CDC42BPB: variants seen among roughly 807,000 people sequenced by gnomAD.
CDC42BPB encodes the protein CDC42 binding protein kinase beta, also known as serine/threonine-protein kinase MRCK beta.
Under a neutral mutation model 214.9 loss-of-function variants are expected in CDC42BPB, and 37 were observed. The observed-to-expected ratio is 0.17, with a 90% CI of 0.13 to 0.23. The LOEUF (loss-of-function observed/expected upper bound fraction) is 0.23. CDC42BPB is among the 10% of genes least tolerant of loss of function. CDC42BPB has a pLI of 1.00. For synonymous variants in CDC42BPB, 931 were observed against 884.0 expected, an observed-to-expected ratio of 1.05 and a Z score of -0.94; for missense variants, 1,694 against 2,227.0, an observed-to-expected ratio of 0.76 and a Z score of 4.82.
intron 22 of CDC42BPB, 48 bp downstream of exon 22, chr14:102,954,554 C>T (rs771925960): frequency 8.4e-6 from 13 of 1,544,384 alleles, no homozygotes; most frequent in Non-Finnish European, 1.2e-5. Flanking sequence ...CACCTGGACA[C>T]GAGGGCAGAC....
intron 16 of CDC42BPB, 21 bp downstream of exon 16, chr14:102,968,232 C>G: frequency 1.3e-6 from 2 of 1,548,632 alleles, no homozygotes; most frequent in African/African-American, 1.4e-5. Context: ...AGTGCTAACT[C>G]AGGTACTTTG....
intron 1 of CDC42BPB, among the ~76,000 whole-genome samples, chr14:103,037,954 G>A (rs990503166): frequency 4.6e-5 from 7 of 151,362 alleles, no homozygotes; most frequent in Admixed American, 1.3e-4. Context: ...GTGTGAACCC[G>A]GGAGACGGAG....
intron 14 of CDC42BPB, 126 bp from the exon 15 acceptor site, chr14:102,968,842 A>C: frequency 6.6e-7 from 1 of 1,505,416 alleles, no homozygotes. Flanking sequence ...CCTGGTCTAC[A>C]CCAGATGACG....
At chr14:103,021,619 G>A (rs1886777724) in intron 1 of CDC42BPB, among the ~76,000 whole-genome samples, 1 of 151,624 alleles carries the variant, frequency 6.6e-6, no homozygotes, top group Non-Finnish European at 1.5e-5. Context: ...GGCAGAGGTT[G>A]CAGTGACCCG....
chr14:102,944,177 G>C lies in CDC42BPB; in HGVS notation c.4122C>G (p.Gly1374=). The C allele has an allele frequency of 1.2e-6, 2 of 1,613,268 alleles. No homozygotes were observed. Among genetic ancestry groups the C allele is most frequent in the South Asian group, 1.1e-5 (1 of 91,084 alleles). The stretch of plus-strand genomic sequence containing the variant: ...TGAGCACCGCCAGGCACTGCACGCT[G>C]CCGGGAGCCACAATCTCATTGAACT... ...HRKFNEIVAP[G]SVQCLAVLRD... is the part of the protein sequence containing the mutation. The change falls in exon 30 of 37, where the codon GGC becomes GGG. Residue 1374 remains glycine, a synonymous_variant. Transcript: ENST00000361246. This position sits in a 1 kb window ranked among gnomAD's most constrained non-coding sequence, Gnocchi z 6.6.
intron 1 of CDC42BPB, among the ~76,000 whole-genome samples, chr14:103,021,679 CAAAA>C (rs35207138): frequency 6.8e-5 from 9 of 133,332 alleles, no homozygotes; most frequent in African/African-American, 5.5e-5. Flanking sequence ...GACCTAGTCT[CAAAA>C]AAAAAAAAAA....
intron 1 of CDC42BPB, among the ~76,000 whole-genome samples, chr14:103,014,165 C>CAAAA (rs1171233966): frequency 4.1e-5 from 1 of 24,534 alleles, no homozygotes; most frequent in African/African-American, 1.6e-4. Flanking sequence ...GACTCCGTCT[C>CAAAA]AAAAAAAAAA....
At chr14:102,973,637 G>C (rs556355239) in intron 12 of CDC42BPB, among the ~76,000 whole-genome samples, 36 of 152,102 alleles carry the variant, frequency 2.4e-4, no homozygotes, top group Non-Finnish European at 3.4e-4. Flanking sequence ...ATGCCCTGTG[G>C]ACGGCCACCA....
At chr14:102,964,461 G>A (rs371283617) in intron 19 of CDC42BPB, 41 bp downstream of exon 19, 23 of 1,606,022 alleles carry the variant, frequency 1.4e-5, no homozygotes, top group Non-Finnish European at 2.0e-5. Flanking sequence ...AGGCCACACA[G>A]CCACTGCTCC....
intron 6 of CDC42BPB, among the ~76,000 whole-genome samples, chr14:102,985,420 A>G (rs1297068033): frequency 6.6e-6 from 1 of 151,900 alleles, no homozygotes. Flanking sequence ...AGGGTAACCC[A>G]TGCTCTGGTT....
At position 102,943,407 on chromosome 14, in the gene CDC42BPB, A is replaced by C. The variant is rs1891991227; in HGVS notation, c.4408+484T>G. ...CGAATTCAGTGACCCAACTGTTTGA[A>C]AAACAGCCCCTACCACTTTCAGAAA... is the stretch of plus-strand genomic sequence containing the variant. On this transcript the variant is annotated intron_variant, in intron 30 of 36. Coordinates refer to ENST00000361246, the MANE Select transcript of CDC42BPB (RefSeq NM_006035.4). The surrounding 1 kb of genome is among the most constrained non-coding windows in gnomAD (Gnocchi z 4.6). Among the ~76,000 whole-genome samples the C allele has an allele frequency of 6.6e-6, 1 of 152,234 alleles. No individual in the cohort carries two copies. Among genetic ancestry groups the C allele is most frequent in the Admixed American group, 6.5e-5 (1 of 15,286 alleles).
Position 102,959,502 on chromosome 14 carries a change from C to T in CDC42BPB, c.2901+129G>A, listed in dbSNP as rs34593443. On this transcript the variant is annotated intron_variant, in intron 21 of 36. Coordinates refer to ENST00000361246, the MANE Select transcript of CDC42BPB (RefSeq NM_006035.4). Reference sequence around the variant, plus strand: ...TGGGTCAATTACACAGTTAGCACAACGCTGAGATAAACACTGAATGTATAT... The same window carrying T: ...TGGGTCAATTACACAGTTAGCACAATGCTGAGATAAACACTGAATGTATAT... The T allele has an allele frequency of 1.0e-3, 663 of 657,608 alleles. 7 individuals carry two copies. The Admixed American group carries it at 0.017, about 17-fold the overall frequency. 40.7% of individuals were successfully genotyped at this position (657,608 alleles called of 1,614,324 possible).
chr14:102,957,287 C>A (rs1049786917), intron 21 of CDC42BPB, among the ~76,000 whole-genome samples: 10 of 151,924 alleles, frequency 6.6e-5, no homozygotes, highest in Non-Finnish European at 1.5e-4. Context: ...ATGAAGATGC[C>A]GCCTCTGTCT....
Position 102,970,465 on chromosome 14 carries a change from T to C in CDC42BPB, c.1885-204A>G, listed in dbSNP as rs1013674986. 48 of 728,974 alleles carry C rather than the reference T, an allele frequency of 6.6e-5. No homozygotes were observed. The African/African-American group carries it at 8.4e-4, about 13-fold the overall frequency. 45.2% of individuals were successfully genotyped at this position (728,974 alleles called of 1,614,324 possible). A position where few individuals can be genotyped will look rare whatever the true frequency, so the allele number is the denominator to read the frequency against. ...ATGGTTGGTTACTAATAAAACAAGGTTCAATTCTAGCTTAAATTGACACTT... is the reference window on the plus strand; with the variant it reads ...ATGGTTGGTTACTAATAAAACAAGGCTCAATTCTAGCTTAAATTGACACTT... On this transcript the variant is annotated intron_variant, in intron 13 of 36. Coordinates refer to ENST00000361246, the MANE Select transcript of CDC42BPB (RefSeq NM_006035.4).
chr14:102,966,847 G>A (rs1282702992), intron 17 of CDC42BPB, among the ~76,000 whole-genome samples, 199 bp downstream of exon 17: 1 of 152,114 alleles, frequency 6.6e-6, no homozygotes, highest in Non-Finnish European at 1.5e-5. Flanking sequence ...GTGGGTTGGT[G>A]GGGGCGTATC....
intron 30 of CDC42BPB, 110 bp from the exon 31 acceptor site, chr14:102,940,434 T>G: frequency 2.0e-6 from 3 of 1,509,256 alleles, no homozygotes; most frequent in Non-Finnish European, 2.7e-6. Flanking sequence ...GCGGCAGCAC[T>G]GCCCTCAGCT....
In CDC42BPB at chr14:102,943,122, T is replaced by C. The variant is rs1217784428; in HGVS notation, c.4408+769A>G. Among the ~76,000 whole-genome samples the C allele has an allele frequency of 6.6e-6, 1 of 152,194 alleles. No individual in the cohort carries two copies. Among genetic ancestry groups the C allele is most frequent in the African/African-American group, 2.4e-5 (1 of 41,444 alleles). ...TCCTAACCTCGTGATCCGCCCTGCCTTGGGCTCCCAAAGTGCTGGGATTAC... is the reference window on the plus strand; with the variant it reads ...TCCTAACCTCGTGATCCGCCCTGCCCTGGGCTCCCAAAGTGCTGGGATTAC... On this transcript the variant is annotated intron_variant, in intron 30 of 36. Coordinates refer to ENST00000361246, the MANE Select transcript of CDC42BPB (RefSeq NM_006035.4). The surrounding 1 kb of genome is among the most constrained non-coding windows in gnomAD (Gnocchi z 4.6).
intron 13 of CDC42BPB, 65 bp downstream of exon 13, chr14:102,971,846 GATTTCAAA>G: frequency 6.7e-7 from 1 of 1,501,552 alleles, no homozygotes; most frequent in Non-Finnish European, 9.1e-7. Context: ...TGCAGCCCAA[GATTTCAAA>G]GACGTTTTAT....
At chr14:102,947,931 T>C in intron 26 of CDC42BPB, 129 bp from the exon 27 acceptor site, 1 of 1,525,020 alleles carries the variant, frequency 6.6e-7, no homozygotes, top group Non-Finnish European at 8.8e-7. Context: ...GGCGGGTCCC[T>C]CGCCTCCCCA....
Sources: gnomAD v4.1 joint callset for allele counts (sites outside exome capture counted in the v4.1 genomes callset) on GRCh38, gnomAD v4.1.1 for gene constraint, Gnocchi (gnomAD v3.1) non-coding constraint, MANE v1.5 for transcripts, NCBI Gene and HGNC (gene_info 2026-07-23, HGNC 2026-07-21) for gene names.